Variants in CCDC170 observed in about 807,000 individuals in gnomAD.
CCDC170 encodes coiled-coil domain-containing protein 170.
Under a neutral mutation model 72.6 loss-of-function variants are expected in CCDC170, and 69 were observed. The ratio of observed to expected loss-of-function variants is 0.95; its 90% CI spans 0.78 to 1.16. The LOEUF (loss-of-function observed/expected upper bound fraction) is 1.16, where lower values mean the gene tolerates loss of function less well. Among genes scored for constraint, CCDC170 ranks in the 50% most tolerant of loss-of-function variants. The pLI is 0.00. For missense variants in CCDC170, 852 were observed against 832.5 expected, an observed-to-expected ratio of 1.02 and a Z score of -0.29; for synonymous variants, 300 against 303.9, an observed-to-expected ratio of 0.99 and a Z score of 0.13.
intron 1 of CCDC170, among the ~76,000 whole-genome samples, chr6:151,535,942 A>T (rs1382181563): frequency 3.9e-5 from 6 of 151,910 alleles, no homozygotes; most frequent in Non-Finnish European, 7.4e-5. Flanking sequence ...TTTTGTAGAG[A>T]TAGGGTCTTG....
intron 3 of CCDC170, among the ~76,000 whole-genome samples, chr6:151,540,401 T>TTTTTTTTTTTG (rs1782670326): frequency 1.6e-5 from 2 of 126,046 alleles, no homozygotes; most frequent in African/African-American, 3.6e-5. Context: ...TTTTTTTTTT[T>TTTTTTTTTTTG]TGTGACAGAG....
At chr6:151,516,153 A>G (rs1782232689) in intron 1 of CCDC170, among the ~76,000 whole-genome samples, 1 of 152,052 alleles carries the variant, frequency 6.6e-6, no homozygotes, top group African/African-American at 2.4e-5. Context: ...ATAATGCTAT[A>G]CTAGAGTCAG....
Position 151,620,564 on chromosome 6 carries a change from G to A in CCDC170, c.*2417G>A, listed in dbSNP as rs1432096390. The A allele has an allele frequency of 6.6e-6, 1 of 152,204 alleles. No individual in the cohort carries two copies. Among genetic ancestry groups the A allele is most frequent in the Non-Finnish European group, 1.5e-5 (1 of 68,072 alleles). The allele number at this position is 152,204 out of a possible 1,614,324, so 9.4% of individuals were successfully genotyped here. A position where few individuals can be genotyped will look rare whatever the true frequency, so the allele number is the denominator to read the frequency against. On this transcript the variant is annotated 3_prime_UTR_variant, in exon 11 of 11. Transcript: ENST00000239374. ...TCGAAAATCACCTTGAGTGGAGGAA[G>A]TGACTTCACTGGGTCTCTGGAGGCT...
At chr6:151,578,886 C>G (rs1455660190) in intron 6 of CCDC170, among the ~76,000 whole-genome samples, 1 of 152,098 alleles carries the variant, frequency 6.6e-6, no homozygotes, top group African/African-American at 2.4e-5. Context: ...TTTTTGGCTT[C>G]TATTTGGTTT....
chr6:151,552,786 T>C (rs1022234358), intron 5 of CCDC170, among the ~76,000 whole-genome samples: 1 of 131,970 alleles, frequency 7.6e-6, no homozygotes, highest in South Asian at 2.6e-4. Context: ...ATTCTTTTTT[T>C]TTTTTTTTTT....
chr6:151,545,451 C>T (rs6932049), intron 4 of CCDC170, among the ~76,000 whole-genome samples: 3,725 of 152,106 alleles, frequency 0.024, 144 homozygotes, highest in African/African-American at 0.081. Context: ...AAAAATTCTA[C>T]TTTAATGGTA....
At chr6:151,497,677 G>A (rs1376374437) in intron 1 of CCDC170, among the ~76,000 whole-genome samples, 2 of 151,856 alleles carry the variant, frequency 1.3e-5, no homozygotes, top group African/African-American at 4.8e-5. Flanking sequence ...TTGAAATAAC[G>A]CTACCCAGTG....
intron 1 of CCDC170, among the ~76,000 whole-genome samples, chr6:151,511,250 C>T (rs888691159): frequency 2.6e-5 from 4 of 152,104 alleles, no homozygotes; most frequent in Non-Finnish European, 4.4e-5. Context: ...TTTTACAAGA[C>T]GTAGTGAAAT....
Position 151,597,106 on chromosome 6 carries a change from G to A in CCDC170, c.1710+529G>A, listed in dbSNP as rs530041587. ...CTCCCAAAGTGCTGGGATTACAGGC[G>A]TGAGCCACTGCGCCTGGCCTTATAA... On this transcript the variant is annotated intron_variant, in intron 9 of 10. Coordinates refer to ENST00000239374, the MANE Select transcript of CCDC170 (RefSeq NM_025059.4). Among the ~76,000 whole-genome samples the A allele has an allele frequency of 4.3e-4, 66 of 152,170 alleles. 2 individuals carry two copies. The South Asian group carries it at 4.6e-3, about 11-fold the overall frequency.
chr6:151,552,761 C>T (rs13213582), intron 5 of CCDC170, among the ~76,000 whole-genome samples: 22,512 of 146,862 alleles, frequency 0.15, 2,224 homozygotes, highest in East Asian at 0.49. Flanking sequence ...GAACTAAAAC[C>T]AGCCAAATCA....
intron 5 of CCDC170, among the ~76,000 whole-genome samples, chr6:151,570,457 A>G (rs1240081675): frequency 6.6e-6 from 1 of 152,260 alleles, no homozygotes; most frequent in Non-Finnish European, 1.5e-5. Flanking sequence ...AATAAAAATA[A>G]TACAAATAAA....
At chr6:151,599,803 G>C (rs1451120964) in intron 9 of CCDC170, among the ~76,000 whole-genome samples, 2 of 152,070 alleles carry the variant, frequency 1.3e-5, no homozygotes, top group Non-Finnish European at 2.9e-5. Context: ...AGTGGGTGAG[G>C]GTTCTGAGAA....
rs1776251075 is a variant in CCDC170, at chr6:151,573,298, A to C, written c.899A>C (p.Lys300Thr). The C allele has an allele frequency of 6.2e-7, 1 of 1,614,080 alleles. No individual in the cohort carries two copies. Among genetic ancestry groups the C allele is most frequent in the African/African-American group, 1.3e-5 (1 of 74,932 alleles). Reference sequence around the variant, plus strand: ...AAGCAGGAAGTGAGCCTCCTGAAGAAAAGCTCTTCTGAGTTGGAGAAGAGT... The same window carrying C: ...AAGCAGGAAGTGAGCCTCCTGAAGACAAGCTCTTCTGAGTTGGAGAAGAGT... Reference protein sequence around the residue: ...ASKQEVSLLKKSSSELEKSLK... With the variant: ...ASKQEVSLLKTSSSELEKSLK... The change falls in exon 6 of 11, where the codon AAA (lysine) becomes ACA (threonine). Residue 300 changes from lysine to threonine, a missense_variant. Physicochemically the swap from Lys to Thr is moderately conservative, Grantham distance 78 (BLOSUM62 -1). Transcript: ENST00000239374.
intron 5 of CCDC170, among the ~76,000 whole-genome samples, chr6:151,565,006 T>G (rs1164178876): frequency 6.6e-6 from 1 of 152,134 alleles, no homozygotes. Context: ...GGGGAGCACG[T>G]GCTTTGGCCC....
chr6:151,550,283 C>A (rs1298114779), intron 5 of CCDC170, among the ~76,000 whole-genome samples: 1 of 152,038 alleles, frequency 6.6e-6, no homozygotes, highest in Non-Finnish European at 1.5e-5. Flanking sequence ...AATTTAAGAT[C>A]AGCTAAGGAC....
intron 9 of CCDC170, among the ~76,000 whole-genome samples, chr6:151,609,521 G>T (rs1444038460): frequency 1.3e-5 from 2 of 152,198 alleles, no homozygotes; most frequent in Admixed American, 1.3e-4. Context: ...CTTTAAGGAA[G>T]CAGACAGTAG....
rs374812931 is a variant in CCDC170, at chr6:151,615,682, G to A, written c.1947+3G>A. ...AAGCAGAAAAGAGAGAAAAGCAGGT[G>A]GGTCTAAATCTGGTGATGAAACCTT... On this transcript the variant is annotated splice_donor_region_variant and intron_variant, in intron 10 of 10. Transcript: ENST00000239374. 1.2e-6 allele frequency: 2 copies of A among 1,603,400 alleles called. No individual in the cohort carries two copies. The highest frequency in any genetic ancestry group is 1.3e-5 in the African/African-American group (1 of 74,582).
At chr6:151,507,385 A>C (rs1404684113) in intron 1 of CCDC170, among the ~76,000 whole-genome samples, 1 of 152,140 alleles carries the variant, frequency 6.6e-6, no homozygotes, top group Non-Finnish European at 1.5e-5. Flanking sequence ...TCAACTTAGA[A>C]TTTTTCAAAT....
chr6:151,548,435 CAG>C lies in CCDC170; in HGVS notation c.725_726del (p.Glu242AlafsTer9). 1 of 1,610,804 alleles carries C rather than the reference CAG, an allele frequency of 6.2e-7. No homozygotes were observed. The highest frequency in any genetic ancestry group is 1.1e-5 in the South Asian group (1 of 90,626). ...TCATGAGGCTGGCTTCAGAAGTCAA[CAG>C]AGAGCAGAAAAAAGCTGCCTCCTGT... ...TIMRLASEVNREQKKAASCTE... is the reference protein window; with the variant it reads ...TIMRLASEVNXEQKKAASCTE... On this transcript the variant is annotated frameshift_variant, in exon 5 of 11. Transcript: ENST00000239374. LOFTEE classifies it high-confidence loss of function.
Sources: allele counts gnomAD v4.1 joint callset (sites outside exome capture counted in the v4.1 genomes callset), GRCh38; gene constraint gnomAD v4.1.1; transcripts MANE v1.5; gene names NCBI Gene and HGNC (gene_info 2026-07-23, HGNC 2026-07-21).